LRCH1: variants seen among roughly 807,000 people sequenced by gnomAD.
The protein encoded by LRCH1 is leucine-rich repeat and calponin homology domain-containing protein 1.
In LRCH1, 23 loss-of-function variants were observed where a neutral mutation model predicts 94.9. The ratio of observed to expected loss-of-function variants is 0.24; its 90% confidence interval spans 0.17 to 0.34. The LOEUF (loss-of-function observed/expected upper bound fraction) is 0.34. Ranked by LOEUF, LRCH1 falls within the 10% of genes least tolerant of loss-of-function variation. The pLI, the probability that LRCH1 is intolerant of heterozygous loss-of-function variation, is 1.00. For missense variants in LRCH1, 790 were observed against 945.9 expected, an observed-to-expected ratio of 0.84 and a Z score of 2.16; for synonymous variants, 364 against 354.9, an observed-to-expected ratio of 1.03 and a Z score of -0.29.
intron 13 of LRCH1, 75 bp downstream of exon 13, chr13:46,705,379 A>G (rs1291376491): frequency 5.5e-6 from 7 of 1,266,240 alleles, no homozygotes; most frequent in Non-Finnish European, 8.1e-6. Flanking sequence ...CATTCTGTAA[A>G]GATTTGTCAG....
At chr13:46,582,848 T>C (rs2050389038) in intron 1 of LRCH1, among the ~76,000 whole-genome samples, 1 of 151,382 alleles carries the variant, frequency 6.6e-6, no homozygotes, top group Admixed American at 6.6e-5. Flanking sequence ...ACCAAGCTCT[T>C]CACAGAGGTT....
rs1298164529 is a variant in LRCH1 at position 46,728,923 on chromosome 13, A to G, written c.1946A>G (p.His649Arg). 1.9e-6 allele frequency: 3 copies of G among 1,613,700 alleles called. No individual in the cohort carries two copies. The highest frequency in any genetic ancestry group is 2.2e-5 in the South Asian group (2 of 90,956). ...AALMDGVVLCHLVNHIRPRSV... is the reference protein window; with the variant it reads ...AALMDGVVLCRLVNHIRPRSV... ...CTCATGGATGGTGTCGTCCTCTGCC[A>G]TCTGGTCAACCACATCCGCCCACGG... Residue 649 changes from histidine to arginine, a missense_variant, in exon 18 of 20, where the codon CAT becomes CGT. Physicochemically the swap from His to Arg is conservative, Grantham distance 29. Transcript: ENST00000389797.
chr13:46,668,680 C>T (rs1375341552), intron 2 of LRCH1, among the ~76,000 whole-genome samples: 1 of 138,760 alleles, frequency 7.2e-6, no homozygotes, highest in African/African-American at 2.6e-5. Context: ...GATGTGCTCT[C>T]CATCTGCCTC....
chr13:46,613,894 G>A (rs902754029), intron 1 of LRCH1, among the ~76,000 whole-genome samples: 4 of 152,098 alleles, frequency 2.6e-5, no homozygotes, highest in Non-Finnish European at 4.4e-5. Context: ...AACATTAGCC[G>A]GTTATTTTGC....
chr13:46,635,979 G>A (rs535640436), intron 1 of LRCH1, among the ~76,000 whole-genome samples: 16 of 146,832 alleles, frequency 1.1e-4, no homozygotes, highest in Middle Eastern at 3.6e-3. Flanking sequence ...TCTCCTTTCA[G>A]TCTCTCTCTT....
At chr13:46,671,316 A>G (rs1433024655) in intron 3 of LRCH1, among the ~76,000 whole-genome samples, 1 of 152,152 alleles carries the variant, frequency 6.6e-6, no homozygotes. Context: ...TCATAGCATC[A>G]CAGTTGTTTT....
chr13:46,751,286 G>T (rs1367781063), exon 19 of LRCH1: 3 of 151,802 alleles, frequency 2.0e-5, no homozygotes, highest in African/African-American at 4.8e-5. Context: ...GGTAGTTTAG[G>T]TCTCAGTAAT....
In LRCH1 at chr13:46,582,558, C is replaced by T. The variant is rs1459578034; in HGVS notation, c.307+28855C>T. On this transcript the variant is annotated intron_variant, in intron 1 of 19. Coordinates refer to ENST00000389797, the MANE Select transcript of LRCH1 (RefSeq NM_001164211.2). ...GGAGTGCAGTGACACAATCTTAGCTCACTGTAGCCTTGACCTCCCGGGCTC... is the reference window on the plus strand; with the variant it reads ...GGAGTGCAGTGACACAATCTTAGCTTACTGTAGCCTTGACCTCCCGGGCTC... Among the ~76,000 whole-genome samples the T allele has an allele frequency of 2.7e-5, 4 of 148,614 alleles. No individual in the cohort carries two copies. In the East Asian group the frequency reaches 7.9e-4, roughly 29 times the overall value.
rs754826743 is a variant in LRCH1 at position 46,709,867 on chromosome 13, A to G, written c.1528-1924A>G. ...AGGGGAATAGCTGGCCCTGATGGAA[A>G]AAGGAAGTCACAAGGAAAAGAAAAG... On this transcript the variant is annotated intron_variant, in intron 13 of 19. Transcript: ENST00000389797. Among the ~76,000 whole-genome samples the G allele has an allele frequency of 3.9e-5, 6 of 152,186 alleles. No individual in the cohort carries two copies. In the South Asian group the frequency reaches 1.2e-3, roughly 32 times the overall value.
At chr13:46,648,903 G>T (rs2138076046) in intron 1 of LRCH1, among the ~76,000 whole-genome samples, 1 of 152,194 alleles carries the variant, frequency 6.6e-6, no homozygotes, top group South Asian at 2.1e-4. Context: ...CCTTGAAGAT[G>T]ATCATATATC....
At chr13:46,585,486 G>T in intron 1 of LRCH1, among the ~76,000 whole-genome samples, 1 of 149,638 alleles carries the variant, frequency 6.7e-6, no homozygotes, top group Non-Finnish European at 1.5e-5. Flanking sequence ...CTGGGAGGCG[G>T]AGCTTTCAGT....
At chr13:46,711,144 ACTT>A (rs1231025511) in intron 13 of LRCH1, among the ~76,000 whole-genome samples, 19 of 152,138 alleles carry the variant, frequency 1.2e-4, no homozygotes, top group Non-Finnish European at 1.9e-4. Context: ...GATACTATCA[ACTT>A]CTTCTTAAAC....
At chr13:46,582,006 C>T (rs1438043818) in intron 1 of LRCH1, among the ~76,000 whole-genome samples, 1 of 151,934 alleles carries the variant, frequency 6.6e-6, no homozygotes, top group Non-Finnish European at 1.5e-5. Flanking sequence ...AAAAATTAGC[C>T]GGGCGTGCTG....
chr13:46,562,731 C>T (rs9567705), intron 1 of LRCH1, among the ~76,000 whole-genome samples: 18,133 of 152,158 alleles, frequency 0.12, 1,299 homozygotes, highest in African/African-American at 0.21. Context: ...TTGTGTGAGG[C>T]TGCCCTCAAT....
intron 1 of LRCH1, among the ~76,000 whole-genome samples, chr13:46,593,993 A>C (rs2050530814): frequency 6.6e-6 from 1 of 152,144 alleles, no homozygotes; most frequent in Admixed American, 6.5e-5. Flanking sequence ...TGTTGAATGC[A>C]CCTAATCAGG....
Position 46,553,444 on chromosome 13 carries a change from G to T in LRCH1, c.48G>T (p.Ser16=). 6.5e-7 allele frequency: 1 copy of T among 1,549,056 alleles called. No homozygotes were observed. Among genetic ancestry groups the T allele is most frequent in the Non-Finnish European group, 8.7e-7 (1 of 1,146,294 alleles). The change falls in exon 1 of 20, where the codon TCG becomes TCT. Residue 16 remains serine, a synonymous_variant. Transcript: ENST00000389797. The part of the protein sequence containing the change: ...SEPQPFVPAL[S]VATLHPLHHP... Reference sequence around the variant, plus strand: ...CCCAACCTTTCGTCCCGGCCCTTTCGGTAGCTACTCTGCACCCACTTCATC... The same window carrying T: ...CCCAACCTTTCGTCCCGGCCCTTTCTGTAGCTACTCTGCACCCACTTCATC...
At chr13:46,630,077 A>G (rs753753825) in intron 1 of LRCH1, among the ~76,000 whole-genome samples, 16 of 152,222 alleles carry the variant, frequency 1.1e-4, no homozygotes, top group Admixed American at 7.9e-4. Flanking sequence ...TTTGATGTCA[A>G]TGGACCTTAT....
At chr13:46,621,976 G>T (rs901196730) in intron 1 of LRCH1, among the ~76,000 whole-genome samples, 8 of 152,224 alleles carry the variant, frequency 5.3e-5, no homozygotes, top group African/African-American at 1.9e-4. Flanking sequence ...TATTATGTCT[G>T]TGTTCCAGAC....
chr13:46,673,151 T>C (rs941143706), intron 3 of LRCH1, among the ~76,000 whole-genome samples: 2 of 152,186 alleles, frequency 1.3e-5, no homozygotes, highest in Non-Finnish European at 2.9e-5. Context: ...ATGCTAAGTC[T>C]TTGAAATCCT....
Sources: allele counts gnomAD v4.1 joint callset (sites outside exome capture counted in the v4.1 genomes callset), GRCh38; gene constraint gnomAD v4.1.1; transcripts MANE v1.5; gene names NCBI Gene and HGNC (gene_info 2026-07-23, HGNC 2026-07-21).